The following MAML3 variants were observed in gnomAD, a reference collection of about 807,000 sequenced individuals.
MAML3 encodes mastermind-like protein 3.
A neutral mutation model predicts 101.9 loss-of-function variants in MAML3; 27 were observed. The observed-to-expected ratio is 0.27, with a 90% CI of 0.20 to 0.37. The LOEUF (loss-of-function observed/expected upper bound fraction) is 0.37, where lower values mean the gene tolerates loss of function less well. Among genes scored for constraint, MAML3 ranks in the 10% least tolerant of loss-of-function variants. The probability of loss-of-function intolerance (pLI) is 1.00; values close to 1 mark genes in which losing one functional copy is unlikely to be tolerated. For synonymous variants in MAML3, 501 were observed against 555.9 expected (o/e 0.90, Z 1.39); for missense variants, 1,316 against 1,444.9 (o/e 0.91, Z 1.45).
At chr4:139,953,855 G>C (rs914367418) in intron 1 of MAML3, among the ~76,000 whole-genome samples, 7 of 152,174 alleles carry the variant, frequency 4.6e-5, no homozygotes, top group African/African-American at 1.4e-4. Context: ...CATGCTCTTA[G>C]AGACTCTCCT....
In MAML3 at chr4:140,153,578, G is replaced by C. The variant is rs1357274295; in HGVS notation, c.-251C>G. The C allele has an allele frequency of 2.1e-6, 1 of 466,380 alleles. No homozygotes were observed. Among genetic ancestry groups the C allele is most frequent in the East Asian group, 3.5e-5 (1 of 28,942 alleles). The allele number at this position is 466,380 out of a possible 1,614,324, so 28.9% of individuals were successfully genotyped here. A position where few individuals can be genotyped will look rare whatever the true frequency, so the allele number is the denominator to read the frequency against. On this transcript the variant is annotated 5_prime_UTR_variant, in exon 1 of 5. Transcript: ENST00000509479. ...GGGGAACGTTATCGGAATACCATCA[G>C]ACACCTATCAACAAAAAGAATCACA...
At chr4:139,961,264 G>A (rs2110774658) in intron 1 of MAML3, among the ~76,000 whole-genome samples, 1 of 152,298 alleles carries the variant, frequency 6.6e-6, no homozygotes, top group East Asian at 1.9e-4. Context: ...TTGACTGGAT[G>A]CTTTTGTTTG....
At chr4:140,145,969 G>A (rs942280164) in intron 1 of MAML3, among the ~76,000 whole-genome samples, 5 of 138,596 alleles carry the variant, frequency 3.6e-5, no homozygotes, top group Non-Finnish European at 7.5e-5. Context: ...CACCTCCCAG[G>A]TTCAAGCAAT....
intron 2 of MAML3, among the ~76,000 whole-genome samples, chr4:139,817,116 C>T (rs1376181549): frequency 6.6e-6 from 1 of 152,148 alleles, no homozygotes; most frequent in Non-Finnish European, 1.5e-5. Context: ...ACACCATTAG[C>T]TTGGAAATCA....
chr4:140,134,461 T>C (rs1422149308), intron 1 of MAML3: 2 of 444,912 alleles, frequency 4.5e-6, no homozygotes, highest in East Asian at 7.0e-5. Flanking sequence ...TACAGCAGAT[T>C]TGTAAACAGA....
intron 2 of MAML3, among the ~76,000 whole-genome samples, chr4:139,815,274 T>C (rs1730874279): frequency 6.6e-6 from 1 of 152,226 alleles, no homozygotes; most frequent in African/African-American, 2.4e-5. Flanking sequence ...TAAAAGAAAC[T>C]GTTTTCAGGA....
intron 2 of MAML3, among the ~76,000 whole-genome samples, chr4:139,843,211 T>C (rs1731392824): frequency 6.6e-6 from 1 of 152,148 alleles, no homozygotes; most frequent in African/African-American, 2.4e-5. Flanking sequence ...CACCTGATAA[T>C]GGGGCTTTGG....
At chr4:139,801,643 G>GGTGT (rs755484864) in intron 2 of MAML3, among the ~76,000 whole-genome samples, 313 of 30,748 alleles carry the variant, frequency 0.01, 1 homozygote, top group African/African-American at 0.015. Context: ...GGTGTGTGTG[G>GGTGT]GTGTGTGTGT....
At chr4:140,151,646 G>A (rs1729169891) in intron 1 of MAML3, among the ~76,000 whole-genome samples, 2 of 151,590 alleles carry the variant, frequency 1.3e-5, no homozygotes, top group Admixed American at 1.3e-4. Flanking sequence ...GCACGCTCCA[G>A]GATTCCCGTC....
intron 2 of MAML3, among the ~76,000 whole-genome samples, chr4:139,871,445 C>A (rs954199037): frequency 6.6e-5 from 10 of 152,326 alleles, no homozygotes; most frequent in African/African-American, 2.4e-4. Flanking sequence ...CCCCTGCCCA[C>A]AGTCACTTCC....
At chr4:140,038,007 A>G (rs999364855) in intron 1 of MAML3, among the ~76,000 whole-genome samples, 5 of 152,256 alleles carry the variant, frequency 3.3e-5, no homozygotes, top group African/African-American at 9.6e-5. Context: ...AGTAATGAGA[A>G]CATTAGCTAA....
At chr4:140,006,670 A>G (rs1036399460) in intron 1 of MAML3, among the ~76,000 whole-genome samples, 1 of 151,968 alleles carries the variant, frequency 6.6e-6, no homozygotes, top group Non-Finnish European at 1.5e-5. Flanking sequence ...TGGTTAGCAT[A>G]TTTTCTCATT....
intron 1 of MAML3, among the ~76,000 whole-genome samples, chr4:140,085,871 A>G (rs1727943394): frequency 6.6e-6 from 1 of 152,114 alleles, no homozygotes; most frequent in African/African-American, 2.4e-5. Context: ...TCGTTTTTTA[A>G]TTATTTTATA....
chr4:140,017,801 A>G lies in MAML3; in HGVS notation c.469-126834T>C, dbSNP rs185873976. 5.1e-3 allele frequency among the ~76,000 whole-genome samples: 368 copies of G among 71,642 alleles called. 3 individuals are homozygous for G. The highest frequency in any genetic ancestry group is 0.013 in the African/African-American group (340 of 26,740). The allele number at this position is 71,642 out of a possible 152,430, so 47.0% of individuals were successfully genotyped here. On this transcript the variant is annotated intron_variant, in intron 1 of 4. Transcript: ENST00000509479. ...GGATAGAGGAAAAATAGGTGTAGCT[A>G]TAACAGGGCAATATGAGAGATTCTA...
chr4:139,875,916 CAAAAAAAAA>C (rs57104878), intron 2 of MAML3, among the ~76,000 whole-genome samples: 2 of 81,570 alleles, frequency 2.5e-5, no homozygotes, highest in South Asian at 5.1e-4. Context: ...TCACAAACAG[CAAAAAAAAA>C]AAAAAAAAAA....
chr4:140,027,072 AAAAG>A (rs1286640440), intron 1 of MAML3, among the ~76,000 whole-genome samples: 2 of 152,146 alleles, frequency 1.3e-5, no homozygotes, highest in Admixed American at 1.3e-4. Context: ...GGAAAAAAAA[AAAAG>A]ACAGGTTCTG....
chr4:140,004,926 A>G (rs1472507443), intron 1 of MAML3, among the ~76,000 whole-genome samples: 1 of 152,182 alleles, frequency 6.6e-6, no homozygotes, highest in African/African-American at 2.4e-5. Flanking sequence ...ACCAAAAACC[A>G]AACAGAATGA....
intron 2 of MAML3, among the ~76,000 whole-genome samples, chr4:139,779,298 C>G (rs1730157120): frequency 6.6e-6 from 1 of 152,160 alleles, no homozygotes; most frequent in Non-Finnish European, 1.5e-5. Context: ...AGGCATAACT[C>G]TGGTAGGTTT....
chr4:139,817,933 G>A (rs555393441), intron 2 of MAML3, among the ~76,000 whole-genome samples: 1 of 152,322 alleles, frequency 6.6e-6, no homozygotes, highest in South Asian at 2.1e-4. Flanking sequence ...TAGCTGGAAT[G>A]CTCTGCCTCA....
Sources: gnomAD v4.1 joint callset for allele counts (sites outside exome capture counted in the v4.1 genomes callset) on GRCh38, gnomAD v4.1.1 for gene constraint, MANE v1.5 for transcripts, NCBI Gene and HGNC (gene_info 2026-07-23, HGNC 2026-07-21) for gene names.